Variants in RBMS3 observed in about 807,000 individuals in gnomAD.
RBMS3 encodes the protein RNA-binding motif, single-stranded-interacting protein 3.
RBMS3 carries 27 observed loss-of-function variants against 66.8 expected under a neutral mutation model. That is an observed-to-expected ratio of 0.40 (90% CI 0.30 to 0.56). The LOEUF is 0.56. Among genes scored for constraint, RBMS3 ranks in the 20% least tolerant of loss-of-function variants. The pLI is 0.40. For missense variants in RBMS3, 513 were observed against 549.5 expected (o/e 0.93, Z 0.66); for synonymous variants, 188 against 183.0 (o/e 1.03, Z -0.22).
intron 1 of RBMS3, among the ~76,000 whole-genome samples, chr3:29,307,718 G>A (rs983944125): frequency 1.3e-5 from 2 of 151,796 alleles, no homozygotes; most frequent in Admixed American, 1.3e-4. Context: ...TTATGGGTTC[G>A]AATAATATTA....
At chr3:29,954,046 C>G (rs909063040) in intron 12 of RBMS3, among the ~76,000 whole-genome samples, 1 of 151,844 alleles carries the variant, frequency 6.6e-6, no homozygotes, top group African/African-American at 2.4e-5. Flanking sequence ...TGATTGCCCT[C>G]TATCCCAGAT....
intron 4 of RBMS3, among the ~76,000 whole-genome samples, chr3:29,629,945 T>C (rs1177566743): frequency 1.3e-5 from 2 of 152,092 alleles, no homozygotes; most frequent in African/African-American, 2.4e-5. Context: ...ATTAAATTCA[T>C]AGTAGGTCAC....
intron 3 of RBMS3, among the ~76,000 whole-genome samples, chr3:29,503,407 A>T (rs2044053267): frequency 6.6e-6 from 1 of 151,900 alleles, no homozygotes; most frequent in Admixed American, 6.6e-5. Context: ...TTTTTTCAAC[A>T]GCTATATTCA....
At chr3:29,716,277 G>A (rs531545403) in intron 4 of RBMS3, among the ~76,000 whole-genome samples, 3 of 152,270 alleles carry the variant, frequency 2.0e-5, no homozygotes, top group African/African-American at 7.2e-5. Context: ...TCTGGGCAAA[G>A]TAACTAGGTC....
chr3:29,948,734 ACTAT>A (rs375292825), intron 12 of RBMS3, among the ~76,000 whole-genome samples: 3 of 151,856 alleles, frequency 2.0e-5, no homozygotes, highest in African/African-American at 7.2e-5. Context: ...TGACTACAAA[ACTAT>A]CTTTCTTTAC....
In RBMS3 at chr3:29,325,588, A is replaced by G. The variant is rs145540590; in HGVS notation, c.75+43832A>G. Reference sequence around the variant, plus strand: ...TGTATATATATACATGTGTGTATGTATATATATACGTGTGTGTATATATAT... The same window carrying G: ...TGTATATATATACATGTGTGTATGTGTATATATACGTGTGTGTATATATAT... On this transcript the variant is annotated intron_variant, in intron 1 of 14. Coordinates refer to ENST00000383767, the MANE Select transcript of RBMS3 (RefSeq NM_001003793.3). 5.1e-3 allele frequency among the ~76,000 whole-genome samples: 761 copies of G among 148,098 alleles called. 4 individuals carry two copies. Among genetic ancestry groups the G allele is most frequent in the Middle Eastern group, 0.018 (5 of 280 alleles).
At chr3:29,621,189 T>TTA (rs2149154466) in intron 4 of RBMS3, among the ~76,000 whole-genome samples, 1 of 147,758 alleles carries the variant, frequency 6.8e-6, no homozygotes, top group African/African-American at 2.5e-5. Context: ...GTCTGCTTCT[T>TTA]TTTTTTTTTT....
At chr3:29,623,743 G>GA (rs1292034393) in intron 4 of RBMS3, among the ~76,000 whole-genome samples, 1 of 152,070 alleles carries the variant, frequency 6.6e-6, no homozygotes, top group Non-Finnish European at 1.5e-5. Context: ...TCAGCTAGAG[G>GA]AAAAAAATCC....
At chr3:29,945,843 A>G (rs754581156) in intron 12 of RBMS3, among the ~76,000 whole-genome samples, 1 of 151,758 alleles carries the variant, frequency 6.6e-6, no homozygotes, top group Non-Finnish European at 1.5e-5. Flanking sequence ...AGGGCCACTG[A>G]AAGTTCTAGA....
At chr3:29,365,700 C>T (rs2037862892) in intron 1 of RBMS3, among the ~76,000 whole-genome samples, 1 of 152,104 alleles carries the variant, frequency 6.6e-6, no homozygotes, top group African/African-American at 2.4e-5. Context: ...GCCCTGGCCG[C>T]CTTCAAATCA....
At chr3:29,623,419 C>A (rs1489521602) in intron 4 of RBMS3, among the ~76,000 whole-genome samples, 3 of 151,364 alleles carry the variant, frequency 2.0e-5, no homozygotes, top group Non-Finnish European at 4.4e-5. Flanking sequence ...GGTGAAACCC[C>A]GTCTCTACTA....
intron 10 of RBMS3, among the ~76,000 whole-genome samples, chr3:29,933,461 ATTC>A (rs558790012): frequency 0.072 from 10,907 of 152,148 alleles, 538 homozygotes; most frequent in Non-Finnish European, 0.11. Flanking sequence ...CATTAAGAAA[ATTC>A]ATTTCTCCCA....
chr3:29,431,941 T>G (rs1393180301), intron 1 of RBMS3, among the ~76,000 whole-genome samples: 5 of 152,036 alleles, frequency 3.3e-5, no homozygotes, highest in African/African-American at 1.2e-4. Flanking sequence ...TTGTCCAGAC[T>G]GGTCTCGAGC....
chr3:29,425,531 C>T (rs185876167), intron 1 of RBMS3, among the ~76,000 whole-genome samples: 9 of 150,286 alleles, frequency 6.0e-5, no homozygotes, highest in South Asian at 4.3e-4. Context: ...CCAGCTACTC[C>T]GGAGGCTGAG....
chr3:29,983,149 T>C (rs532155384), intron 12 of RBMS3, among the ~76,000 whole-genome samples: 25 of 152,356 alleles, frequency 1.6e-4, no homozygotes, highest in Non-Finnish European at 2.2e-4. Context: ...TTGATCCCTT[T>C]ACCACTATGT....
chr3:29,814,071 G>C (rs2057804953), intron 6 of RBMS3, among the ~76,000 whole-genome samples: 1 of 151,846 alleles, frequency 6.6e-6, no homozygotes, highest in African/African-American at 2.4e-5. Context: ...TTTTCAAAGG[G>C]AATGCTTCCA....
At chr3:29,948,140 A>G (rs1341281306) in intron 12 of RBMS3, among the ~76,000 whole-genome samples, 1 of 151,694 alleles carries the variant, frequency 6.6e-6, no homozygotes, top group Non-Finnish European at 1.5e-5. Flanking sequence ...TTTCACAGAA[A>G]AAGTTTGCAT....
intron 8 of RBMS3, among the ~76,000 whole-genome samples, chr3:29,894,435 TC>T (rs989743945): frequency 6.6e-6 from 1 of 151,540 alleles, no homozygotes; most frequent in Non-Finnish European, 1.5e-5. Context: ...CAGACTGGTC[TC>T]AAACTCCTGG....
At chr3:29,957,660 G>A (rs998085814) in intron 12 of RBMS3, among the ~76,000 whole-genome samples, 9 of 152,142 alleles carry the variant, frequency 5.9e-5, no homozygotes, top group African/African-American at 2.2e-4. Flanking sequence ...ATGCCCTTCA[G>A]CAATGTTGCT....
Sources: gnomAD v4.1 joint callset for allele counts (sites outside exome capture counted in the v4.1 genomes callset) on GRCh38, gnomAD v4.1.1 for gene constraint, MANE v1.5 for transcripts, NCBI Gene and HGNC (gene_info 2026-07-23, HGNC 2026-07-21) for gene names.